NKTR: variants seen among roughly 807,000 people sequenced by gnomAD.
NKTR encodes the protein NK-tumor recognition protein.
Under a neutral mutation model 156.3 loss-of-function variants are expected in NKTR, and 67 were observed. That is an observed-to-expected ratio of 0.43 (90% confidence interval 0.35 to 0.53). The LOEUF (loss-of-function observed/expected upper bound fraction) is 0.53. Among genes scored for constraint, NKTR ranks in the 20% least tolerant of loss-of-function variants. NKTR has a pLI of 0.01. For synonymous variants in NKTR, 640 were observed against 596.6 expected, an observed-to-expected ratio of 1.07 and a Z score of -1.06; for missense variants, 1,604 against 1,730.9, an observed-to-expected ratio of 0.93 and a Z score of 1.30.
At chr3:42,636,182 TTC>T (rs1348941750) in intron 12 of NKTR, among the ~76,000 whole-genome samples, 1 of 152,202 alleles carries the variant, frequency 6.6e-6, no homozygotes, top group Non-Finnish European at 1.5e-5. Context: ...CATGGTAGTA[TTC>T]TCTTTTTCTC....
chr3:42,648,143 T>G lies in NKTR; in HGVS notation c.*2168T>G, dbSNP rs907302646. On this transcript the variant is annotated 3_prime_UTR_variant, in exon 17 of 17. Transcript: ENST00000232978. ...CTCTTTCTCATGCTTCATATCTCTCTCCCGTCCTCCTGTTTTAGGGGCATA... is the reference window on the plus strand; with the variant it reads ...CTCTTTCTCATGCTTCATATCTCTCGCCCGTCCTCCTGTTTTAGGGGCATA... 1 of 152,252 alleles carries G rather than the reference T, an allele frequency of 6.6e-6. No individual in the cohort carries two copies. Among genetic ancestry groups the G allele is most frequent in the Non-Finnish European group, 1.5e-5 (1 of 68,066 alleles). 9.4% of individuals were successfully genotyped at this position (152,252 alleles called of 1,614,324 possible).
In NKTR at chr3:42,620,177, T is replaced by A. The variant is rs535081428; in HGVS notation, c.286+469T>A. On this transcript the variant is annotated intron_variant, in intron 5 of 16. Coordinates refer to ENST00000232978, the MANE Select transcript of NKTR (RefSeq NM_005385.4). ...TTGAAGACTTGGAAAATTCTGTGTA[T>A]TATTTCATACATGCTTCTGTATCTT... The A allele has an allele frequency of 5.6e-5, 74 of 1,329,330 alleles. No homozygotes were observed. The East Asian group carries it at 2.0e-3, about 36-fold the overall frequency. The allele number at this position is 1,329,330 out of a possible 1,614,324, so 82.3% of individuals were successfully genotyped here.
At chr3:42,612,233 TTTGC>T (rs1706901396) in intron 2 of NKTR, 1 of 152,068 alleles carries the variant, frequency 6.6e-6, no homozygotes, top group South Asian at 2.1e-4. Flanking sequence ...TTTATCAATA[TTTGC>T]TTGTGTATGA....
At chr3:42,606,923 A>G (rs551031349) in intron 2 of NKTR, among the ~76,000 whole-genome samples, 10 of 152,132 alleles carry the variant, frequency 6.6e-5, no homozygotes, top group East Asian at 1.9e-4. Flanking sequence ...TACTGTGGCT[A>G]TTCACAGGCA....
intron 6 of NKTR, chr3:42,627,864 G>A (rs1439358558): frequency 1.2e-5 from 12 of 985,186 alleles, no homozygotes; most frequent in Non-Finnish European, 1.4e-5. Context: ...TTAAACAGCC[G>A]CTTTTAAGAT....
At chr3:42,618,202 T>C (rs1227387930) in intron 3 of NKTR, among the ~76,000 whole-genome samples, 1 of 151,400 alleles carries the variant, frequency 6.6e-6, no homozygotes, top group Non-Finnish European at 1.5e-5. Context: ...AATACAAAAA[T>C]TAGCCGGGCG....
chr3:42,638,264 C>T lies in NKTR; in HGVS notation c.2560C>T (p.Pro854Ser). The T allele has an allele frequency of 6.2e-7, 1 of 1,608,304 alleles. No individual in the cohort carries two copies. The highest frequency in any genetic ancestry group is 8.5e-7 in the Non-Finnish European group (1 of 1,178,642). The change falls in exon 13 of 17, where the codon CCT becomes TCT. Residue 854 changes from proline (P) to serine (S), a missense_variant. By Grantham distance (74) the Pro-to-Ser change is moderately conservative. Transcript: ENST00000232978. ...EEKSKSEREC[P>S]HSKKRTLKEN... ...AAAATCCAAGTCTGAACGGGAATGC[C>T]CTCATTCAAAAAAAAGAACTTTGAA...
At chr3:42,617,073 A>G (rs1189761470) in intron 2 of NKTR, among the ~76,000 whole-genome samples, 1 of 152,154 alleles carries the variant, frequency 6.6e-6, no homozygotes, top group African/African-American at 2.4e-5. Context: ...GTGAATTTTA[A>G]GTGTGATTGG....
chr3:42,600,696 C>A lies in NKTR; in HGVS notation c.-106C>A. On this transcript the variant is annotated 5_prime_UTR_variant, in exon 1 of 17. Transcript: ENST00000232978. Reference sequence around the variant, plus strand: ...CGGCCTGGGGGAGGAGACGGCGTTCCGTTAGCGGCGTTGGGGTTTGGCTGC... The same window carrying A: ...CGGCCTGGGGGAGGAGACGGCGTTCAGTTAGCGGCGTTGGGGTTTGGCTGC... 4.2e-6 allele frequency: 1 copy of A among 235,500 alleles called. No homozygotes were observed. The highest frequency in any genetic ancestry group is 8.2e-6 in the Non-Finnish European group (1 of 121,622). The allele number at this position is 235,500 out of a possible 1,614,324, so 14.6% of individuals were successfully genotyped here. A position where few individuals can be genotyped will look rare whatever the true frequency, so the allele number is the denominator to read the frequency against.
chr3:42,648,424 G>A lies in NKTR; in HGVS notation c.*2449G>A, dbSNP rs1321852129. Reference sequence around the variant, plus strand: ...TGGAAAAGGACAGCCCTCTGCTGCAGCGTTCAACTTGTGTGTTTACTGACA... The same window carrying A: ...TGGAAAAGGACAGCCCTCTGCTGCAACGTTCAACTTGTGTGTTTACTGACA... On this transcript the variant is annotated 3_prime_UTR_variant, in exon 17 of 17. Coordinates refer to ENST00000232978, the MANE Select transcript of NKTR (RefSeq NM_005385.4). The A allele has an allele frequency of 6.6e-6, 1 of 152,224 alleles. No homozygotes were observed. The highest frequency in any genetic ancestry group is 6.5e-5 in the Admixed American group (1 of 15,286). 9.4% of individuals were successfully genotyped at this position (152,224 alleles called of 1,614,324 possible).
rs764873261 is a variant in NKTR, at chr3:42,644,014, C to CTCCTTTATCG, written c.4301+22_4301+31dup. On this transcript the variant is annotated intron_variant, in intron 16 of 16. Coordinates refer to ENST00000232978, the MANE Select transcript of NKTR (RefSeq NM_005385.4). ...TAATCGGCGGTCCAGGTGGGTCTCT[C>CTCCTTTATCG]TCCTTTATCGTCCTTTATCGCACTG... 15 of 1,602,024 alleles carry CTCCTTTATCG rather than the reference C, an allele frequency of 9.4e-6. No individual in the cohort carries two copies. Among genetic ancestry groups the CTCCTTTATCG allele is most frequent in the Non-Finnish European group, 1.3e-5 (15 of 1,169,950 alleles).
At chr3:42,628,490 T>C in intron 6 of NKTR, 1 of 985,458 alleles carries the variant, frequency 1.0e-6, no homozygotes, top group Non-Finnish European at 1.2e-6. Context: ...TAAAGTGGTT[T>C]TTACAGCCTT....
chr3:42,605,325 G>A (rs780233194), intron 2 of NKTR, among the ~76,000 whole-genome samples: 64 of 152,160 alleles, frequency 4.2e-4, no homozygotes, highest in South Asian at 2.1e-3. Flanking sequence ...ATGTTTAACT[G>A]TATACATTTA....
intron 4 of NKTR, chr3:42,619,361 A>AC (rs1707698435): frequency 8.4e-7 from 1 of 1,189,992 alleles, no homozygotes; most frequent in African/African-American, 1.6e-5. Context: ...ATAGTTACTT[A>AC]GTGAATTCCT....
At position 42,639,217 on chromosome 3, in the gene NKTR, T is replaced by A; in HGVS notation, c.3513T>A (p.Pro1171=). 2.5e-6 allele frequency: 4 copies of A among 1,614,160 alleles called. No individual in the cohort carries two copies. The highest frequency in any genetic ancestry group is 2.5e-6 in the Non-Finnish European group (3 of 1,180,024). ...VLKQDMATEH[P]QAEVVKQESS... ...AGCAGGATATGGCAACGGAACATCCTCAAGCAGAGGTAGTAAAACAGGAAA... is the reference window on the plus strand; with the variant it reads ...AGCAGGATATGGCAACGGAACATCCACAAGCAGAGGTAGTAAAACAGGAAA... The change falls in exon 13 of 17, where the codon CCT becomes CCA. Residue 1171 remains proline (P), a synonymous_variant. Transcript: ENST00000232978.
At chr3:42,635,588 G>A (rs1487657678) in intron 12 of NKTR, 6 of 360,194 alleles carry the variant, frequency 1.7e-5, no homozygotes, top group Non-Finnish European at 3.0e-5. Flanking sequence ...CTATAAGCCT[G>A]TGTCTTTTAA....
intron 2 of NKTR, among the ~76,000 whole-genome samples, chr3:42,613,947 C>T (rs1353731091): frequency 2.0e-5 from 3 of 152,072 alleles, no homozygotes; most frequent in Non-Finnish European, 2.9e-5. Context: ...TATTATAGAG[C>T]TGTGTATCTA....
Position 42,630,592 on chromosome 3 carries a change from T to TA in NKTR, c.404+18dup, listed in dbSNP as rs1559574378. 7 of 1,613,792 alleles carry TA rather than the reference T, an allele frequency of 4.3e-6. No individual in the cohort carries two copies. The highest frequency in any genetic ancestry group is 5.9e-6 in the Non-Finnish European group (7 of 1,179,808). ...CCTGGATGGGTAAGAGTTACATTCTTACTACATTGGGGAAGTGTTTGGGTG... is the reference window on the plus strand; with the variant it reads ...CCTGGATGGGTAAGAGTTACATTCTTAACTACATTGGGGAAGTGTTTGGGTG... On this transcript the variant is annotated intron_variant, in intron 7 of 16. Transcript: ENST00000232978.
intron 2 of NKTR, among the ~76,000 whole-genome samples, chr3:42,604,723 C>T (rs1263732993): frequency 1.7e-5 from 2 of 118,040 alleles, no homozygotes; most frequent in Non-Finnish European, 3.2e-5. Flanking sequence ...CTCTGTCGCC[C>T]AGGCTGGAAT....
Sources: gnomAD v4.1 joint callset for allele counts (sites outside exome capture counted in the v4.1 genomes callset) on GRCh38, gnomAD v4.1.1 for gene constraint, MANE v1.5 for transcripts, NCBI Gene and HGNC (gene_info 2026-07-23, HGNC 2026-07-21) for gene names.